AKAP9: variants seen among roughly 807,000 people sequenced by gnomAD.
AKAP9 encodes A-kinase anchoring protein 9, also known as A-kinase anchor protein 9.
Under a neutral mutation model 488.5 loss-of-function variants are expected in AKAP9, and 311 were observed. The ratio of observed to expected loss-of-function variants is 0.64; its 90% confidence interval spans 0.58 to 0.70. AKAP9 has a LOEUF of 0.70. AKAP9 is among the 30% of genes least tolerant of loss of function. The pLI, the probability that AKAP9 is intolerant of heterozygous loss-of-function variation, is 0.00. For synonymous variants in AKAP9, 1,462 were observed against 1,483.5 expected (o/e 0.99, Z 0.33); for missense variants, 4,215 against 4,374.5 (o/e 0.96, Z 1.03).
chr7:92,109,361 T>C lies in AKAP9; in HGVS notation c.11686+728T>C, dbSNP rs186591151. On this transcript the variant is annotated intron_variant, in intron 49 of 49. Transcript: ENST00000356239. ...AATCATTGAGTAGTTTATCTCTTCC[T>C]TCAAGAAATCATTTGTTTACACCCA... 2.0e-5 allele frequency among the ~76,000 whole-genome samples: 3 copies of C among 152,352 alleles called. No homozygotes were observed. The East Asian group carries it at 5.8e-4, about 29-fold the overall frequency.
chr7:92,096,243 A>G (rs1816542081), intron 40 of AKAP9, among the ~76,000 whole-genome samples: 2 of 152,070 alleles, frequency 1.3e-5, no homozygotes, highest in Non-Finnish European at 2.9e-5. Context: ...ATTTAAGTTA[A>G]TAAACTAAAT....
rs1317790727 is a variant in AKAP9 at position 92,079,430 on chromosome 7, T to C, written c.7297T>C (p.Leu2433=). ...TCAGCTAACACAGGAATTATTCAGC[T>C]TAAAGAGAGAACGTGAAAGTGTGGA... The part of the protein sequence containing the change: ...MNQLTQELFS[L]KRERESVEKI... Residue 2433 remains leucine (L), a synonymous_variant, in exon 31 of 50, where the codon TTA becomes CTA. Coordinates refer to ENST00000356239, the MANE Select transcript of AKAP9 (RefSeq NM_005751.5). 6.2e-7 allele frequency: 1 copy of C among 1,614,080 alleles called. No individual in the cohort carries two copies. The highest frequency in any genetic ancestry group is 1.1e-5 in the South Asian group (1 of 91,080).
At chr7:91,949,603 C>T (rs924403294) in intron 1 of AKAP9, among the ~76,000 whole-genome samples, 48 of 152,132 alleles carry the variant, frequency 3.2e-4, no homozygotes, top group African/African-American at 1.2e-3. Flanking sequence ...ATTGACACCC[C>T]TTTTATTTTT....
chr7:91,974,151 GTT>G (rs1446192777), intron 2 of AKAP9, among the ~76,000 whole-genome samples, 183 bp downstream of exon 2: 1 of 152,114 alleles, frequency 6.6e-6, no homozygotes, highest in Non-Finnish European at 1.5e-5. Flanking sequence ...AGTTTTGTGA[GTT>G]TAATTTAATA....
At chr7:91,951,856 CAG>C (rs199623572) in intron 1 of AKAP9, among the ~76,000 whole-genome samples, 6,976 of 152,078 alleles carry the variant, frequency 0.046, 316 homozygotes, top group Admixed American at 0.13. Context: ...GCCTGGGCAA[CAG>C]AGTGAGACTC....
intron 2 of AKAP9, among the ~76,000 whole-genome samples, chr7:91,978,544 T>C (rs943369115): frequency 2.6e-5 from 4 of 152,130 alleles, no homozygotes; most frequent in Admixed American, 6.5e-5. Flanking sequence ...ACTACTTCTT[T>C]TAGGGAAGCT....
At chr7:92,075,591 G>C (rs1339601980) in intron 28 of AKAP9, among the ~76,000 whole-genome samples, 1 of 152,148 alleles carries the variant, frequency 6.6e-6, no homozygotes, top group South Asian at 2.1e-4. Context: ...TCAAAAGCTG[G>C]CTTCTCCACA....
rs1465599448 is a variant in AKAP9, at chr7:92,014,318, A to G, written c.3602A>G (p.Tyr1201Cys). Residue 1201 changes from tyrosine to cysteine, a missense_variant, in exon 10 of 50, where the codon TAT becomes TGT. Tyr to Cys is a radical substitution (Grantham distance 194). This residue lies in a region of AKAP9 where 2,361 missense variants were observed against 2,430.0 expected (regional missense o/e 0.97). Coordinates refer to ENST00000356239, the MANE Select transcript of AKAP9 (RefSeq NM_005751.5). ...AAGGCAGTGTCTGAAGAATGTTCTT[A>G]TTTTTTACAGGTAAAATGTTTAAAA... ...LQKAVSEECSYFLQTLCSVLG... is the reference protein window; with the variant it reads ...LQKAVSEECSCFLQTLCSVLG... 1 of 1,610,428 alleles carries G rather than the reference A, an allele frequency of 6.2e-7. No homozygotes were observed. The highest frequency in any genetic ancestry group is 1.1e-5 in the South Asian group (1 of 90,874).
chr7:92,036,914 T>A (rs1418589079), intron 16 of AKAP9, among the ~76,000 whole-genome samples: 1 of 152,238 alleles, frequency 6.6e-6, no homozygotes. Flanking sequence ...ACCCTGGTTC[T>A]TTCTGAGCTA....
chr7:92,038,901 GTTGTT>G (rs764132877), intron 17 of AKAP9, 129 bp downstream of exon 17: 47 of 724,074 alleles, frequency 6.5e-5, no homozygotes, highest in East Asian at 1.7e-4. Context: ...TATGACTCAC[GTTGTT>G]TTGTTTTGTT....
At chr7:92,066,373 G>C in intron 25 of AKAP9, 54 bp from the exon 26 acceptor site, 2 of 1,599,584 alleles carry the variant, frequency 1.3e-6, no homozygotes, top group Admixed American at 3.3e-5. Context: ...AGAAATAATA[G>C]CTTCTCTAAA....
chr7:92,062,186 C>G (rs768648369), intron 23 of AKAP9, 88 bp from the exon 24 acceptor site: 219 of 1,206,220 alleles, frequency 1.8e-4, no homozygotes, highest in Non-Finnish European at 2.6e-4. Flanking sequence ...GTTTTGCTAA[C>G]AGTATACCTT....
intron 1 of AKAP9, among the ~76,000 whole-genome samples, chr7:91,942,525 G>A (rs186100689): frequency 5.9e-4 from 90 of 152,304 alleles, no homozygotes; most frequent in African/African-American, 2.1e-3. Context: ...TGCATCTACG[G>A]AAGTAGTGGA....
intron 3 of AKAP9, among the ~76,000 whole-genome samples, chr7:91,980,544 C>T (rs1796286461): frequency 1.4e-5 from 1 of 73,880 alleles, no homozygotes; most frequent in Admixed American, 2.2e-4. Context: ...GGTCTTAAGT[C>T]TGGTTAAATA....
intron 16 of AKAP9, among the ~76,000 whole-genome samples, chr7:92,033,264 C>G (rs886967111): frequency 6.6e-6 from 1 of 151,900 alleles, no homozygotes; most frequent in Non-Finnish European, 1.5e-5. Flanking sequence ...AAAAAAGACT[C>G]TTCTAAATGC....
In AKAP9 at chr7:92,105,843, C is replaced by T. The variant is rs557088099; in HGVS notation, c.11416+80C>T. 2.4e-5 allele frequency: 31 copies of T among 1,286,822 alleles called. No individual in the cohort carries two copies. The South Asian group carries it at 2.9e-4, about 12-fold the overall frequency. The allele number at this position is 1,286,822 out of a possible 1,614,324, so 79.7% of individuals were successfully genotyped here. On this transcript the variant is annotated intron_variant, in intron 47 of 49. Transcript: ENST00000356239. ...CCCCACCCCCAGACTATGGACCATA[C>T]TTGTCTGTGGCCTGTTAGGAACCAG...
intron 2 of AKAP9, among the ~76,000 whole-genome samples, chr7:91,979,717 A>G (rs943316335): frequency 6.6e-6 from 1 of 152,234 alleles, no homozygotes; most frequent in Non-Finnish European, 1.5e-5. Context: ...ATGATAGTGC[A>G]TCTGATAATG....
At chr7:92,063,387 C>T (rs928866810) in intron 24 of AKAP9, 1 of 840,128 alleles carries the variant, frequency 1.2e-6, no homozygotes, top group Admixed American at 6.2e-5. Flanking sequence ...GTGCATTATC[C>T]CATTTTAGGA....
chr7:92,109,152 T>C (rs1253867343), intron 49 of AKAP9: 4 of 211,206 alleles, frequency 1.9e-5, no homozygotes, highest in African/African-American at 6.9e-5. Context: ...CCTGCTACTA[T>C]ATTGTGCTTT....
Sources: gnomAD v4.1 joint callset for allele counts (sites outside exome capture counted in the v4.1 genomes callset) on GRCh38, gnomAD v4.1.1 for gene constraint, gnomAD v4.1.1 regional missense constraint, MANE v1.5 for transcripts, NCBI Gene and HGNC (gene_info 2026-07-23, HGNC 2026-07-21) for gene names.